Variants in NCALD observed in about 807,000 individuals in gnomAD.
The protein encoded by NCALD is neurocalcin-delta.
In NCALD, 10 loss-of-function variants were observed where a neutral mutation model predicts 18.6. The observed-to-expected ratio is 0.54, with a 90% CI of 0.33 to 0.91. The LOEUF (loss-of-function observed/expected upper bound fraction) is 0.91. Ranked by LOEUF, NCALD falls within the 40% of genes least tolerant of loss-of-function variation. The pLI is 0.03. For synonymous variants in NCALD, 88 were observed against 87.4 expected (o/e 1.01, Z -0.04); for missense variants, 184 against 247.6 (o/e 0.74, Z 1.72).
At chr8:101,872,435 T>C in intron 4 of NCALD, 1 of 1,103,356 alleles carries the variant, frequency 9.1e-7, no homozygotes, top group Non-Finnish European at 1.4e-6. Context: ...TGCTGAAGGA[T>C]GTGCTGCTCC....
chr8:102,064,738 T>C (rs996790708), intron 1 of NCALD, among the ~76,000 whole-genome samples: 1 of 151,994 alleles, frequency 6.6e-6, no homozygotes. Flanking sequence ...TGATATGAAA[T>C]GTACAAAAAT....
intron 1 of NCALD, among the ~76,000 whole-genome samples, chr8:102,116,039 A>G (rs1172529711): frequency 6.6e-6 from 1 of 151,640 alleles, no homozygotes; most frequent in Non-Finnish European, 1.5e-5. Context: ...GTTGCAAATG[A>G]TCAAATCAAA....
intron 2 of NCALD, among the ~76,000 whole-genome samples, chr8:101,963,844 CATG>C (rs1819924208): frequency 6.6e-6 from 1 of 152,076 alleles, no homozygotes; most frequent in Admixed American, 6.6e-5. Flanking sequence ...AGAAGTCAAT[CATG>C]ATAATAGTGT....
intron 4 of NCALD, among the ~76,000 whole-genome samples, chr8:101,821,049 C>T (rs1813700671): frequency 6.6e-6 from 1 of 152,170 alleles, no homozygotes; most frequent in East Asian, 1.9e-4. Flanking sequence ...TGCACAAGTA[C>T]ACACACGCAT....
chr8:101,990,370 G>A (rs1295110779), intron 2 of NCALD, among the ~76,000 whole-genome samples: 1 of 152,178 alleles, frequency 6.6e-6, no homozygotes, highest in Non-Finnish European at 1.5e-5. Flanking sequence ...AAAGCAATCA[G>A]GTGGGAAAAT....
intron 1 of NCALD, among the ~76,000 whole-genome samples, chr8:102,106,360 C>T (rs545935783): frequency 6.6e-6 from 1 of 151,848 alleles, no homozygotes; most frequent in South Asian, 2.1e-4. Flanking sequence ...AGGCGTGAGC[C>T]ACCATACCTG....
chr8:102,015,757 G>T (rs1178506076), intron 2 of NCALD, among the ~76,000 whole-genome samples: 2 of 152,152 alleles, frequency 1.3e-5, no homozygotes, highest in Non-Finnish European at 2.9e-5. Flanking sequence ...CTTTGGCAGG[G>T]CATAGTAGGA....
Position 102,060,278 on chromosome 8 carries a change from G to A in NCALD, c.-209-39989C>T, listed in dbSNP as rs200484782. Among the ~76,000 whole-genome samples the A allele has an allele frequency of 1.2e-4, 18 of 152,280 alleles. No individual in the cohort carries two copies. The East Asian group carries it at 3.1e-3, about 26-fold the overall frequency. On this transcript the variant is annotated intron_variant, in intron 1 of 6. Transcript: ENST00000311028. ...TTACAGGCATGAGCCACTGCGCCCG[G>A]CCTGAAGTTGTATTTCTGACAAGTT...
chr8:101,832,846 C>G (rs532808213), intron 4 of NCALD, among the ~76,000 whole-genome samples: 1 of 152,162 alleles, frequency 6.6e-6, no homozygotes, highest in Non-Finnish European at 1.5e-5. Flanking sequence ...TAAATGGTGA[C>G]TCATTATTCA....
intron 3 of NCALD, chr8:101,691,280 A>G: frequency 1.0e-6 from 1 of 985,258 alleles, no homozygotes; most frequent in Non-Finnish European, 1.2e-6. Flanking sequence ...ACCTTTGAAA[A>G]TTTAATTTAA....
At chr8:102,008,916 C>CAACACACACA (rs1821804749) in intron 2 of NCALD, among the ~76,000 whole-genome samples, 1 of 21,228 alleles carries the variant, frequency 4.7e-5, no homozygotes. Flanking sequence ...CCCCGCCCCC[C>CAACACACACA]TACACACACA....
chr8:101,754,405 A>G (rs1275257559), intron 1 of NCALD, among the ~76,000 whole-genome samples: 1 of 152,150 alleles, frequency 6.6e-6, no homozygotes, highest in East Asian at 1.9e-4. Flanking sequence ...GCAGAAATTT[A>G]TTCCTCACAG....
chr8:101,831,378 A>C (rs1446688476), intron 4 of NCALD, among the ~76,000 whole-genome samples: 3 of 152,138 alleles, frequency 2.0e-5, no homozygotes, highest in Non-Finnish European at 4.4e-5. Flanking sequence ...GTGCCATTGG[A>C]TTATCTTCAC....
At chr8:101,974,868 C>A (rs371705683) in intron 2 of NCALD, among the ~76,000 whole-genome samples, 1 of 152,086 alleles carries the variant, frequency 6.6e-6, no homozygotes, top group Non-Finnish European at 1.5e-5. Context: ...GGGCATAAGC[C>A]AGTACTAATA....
At position 101,974,214 on chromosome 8, in the gene NCALD, A is replaced by T. The variant is rs116416647; in HGVS notation, c.-157+46023T>A. On this transcript the variant is annotated intron_variant, in intron 2 of 6. Coordinates refer to the NCALD transcript ENST00000311028. ...TTCCCATTTTATCAATTTTCATTTC[A>T]TTGAAAGTAATGGCAAAACCCGCAA... Among the ~76,000 whole-genome samples the T allele has an allele frequency of 6.0e-3, 919 of 152,290 alleles. 5 individuals carry two copies. Among genetic ancestry groups the T allele is most frequent in the African/African-American group, 0.021 (883 of 41,558 alleles).
intron 2 of NCALD, among the ~76,000 whole-genome samples, chr8:101,980,628 T>G (rs900004396): frequency 6.6e-6 from 1 of 152,160 alleles, no homozygotes; most frequent in African/African-American, 2.4e-5. Context: ...TTTCAAGGGC[T>G]CATCTTTGGA....
chr8:101,917,912 T>C lies in NCALD; in HGVS notation c.-156-2054A>G, dbSNP rs926215408. 6.6e-5 allele frequency among the ~76,000 whole-genome samples: 10 copies of C among 152,252 alleles called. No individual in the cohort carries two copies. The East Asian group carries it at 1.9e-3, about 29-fold the overall frequency. On this transcript the variant is annotated intron_variant, in intron 2 of 6. Coordinates refer to the NCALD transcript ENST00000311028. ...TTCTAGCAGATGTACAAAGAAGAGC[T>C]GGTACCAATTTTATTGAAACTATTC...
At chr8:101,878,460 G>A (rs1426093546) in intron 4 of NCALD, among the ~76,000 whole-genome samples, 1 of 152,088 alleles carries the variant, frequency 6.6e-6, no homozygotes, top group Non-Finnish European at 1.5e-5. Context: ...ATATAATTTT[G>A]TTTTTTACAG....
At chr8:101,879,665 G>T (rs532947687) in intron 4 of NCALD, among the ~76,000 whole-genome samples, 7 of 152,266 alleles carry the variant, frequency 4.6e-5, no homozygotes, top group Admixed American at 1.3e-4. Context: ...TTTACAGAGA[G>T]CTGATTGGTC....
Sources: allele counts gnomAD v4.1 joint callset (sites outside exome capture counted in the v4.1 genomes callset), GRCh38; gene constraint gnomAD v4.1.1; transcripts MANE v1.5; gene names NCBI Gene and HGNC (gene_info 2026-07-23, HGNC 2026-07-21).